Variants in BLK observed in about 807,000 individuals in gnomAD.
BLK encodes tyrosine-protein kinase Blk.
Under a neutral mutation model 61.8 loss-of-function variants are expected in BLK, and 64 were observed. The ratio of observed to expected loss-of-function variants is 1.03; its 90% confidence interval spans 0.85 to 1.27. The LOEUF (loss-of-function observed/expected upper bound fraction) is 1.27, where lower values mean the gene tolerates loss of function less well. Among genes scored for constraint, BLK ranks in the 50% most tolerant of loss-of-function variants. The pLI is 0.00. For synonymous variants in BLK, 351 were observed against 272.0 expected (o/e 1.29, Z -2.86); for missense variants, 853 against 660.5 (o/e 1.29, Z -3.19).
intron 12 of BLK, among the ~76,000 whole-genome samples, chr8:11,563,637 G>A (rs1039490439): frequency 3.3e-5 from 5 of 152,224 alleles, no homozygotes; most frequent in African/African-American, 9.6e-5. Context: ...TCAAGAGAGG[G>A]AGGGTCCCAT....
intron 1 of BLK, among the ~76,000 whole-genome samples, chr8:11,530,682 A>G (rs1046950371): frequency 6.6e-6 from 1 of 152,064 alleles, no homozygotes; most frequent in Non-Finnish European, 1.5e-5. Context: ...TAAATAGCTC[A>G]GTAGAAGTTT....
At chr8:11,510,880 C>G (rs193113152) in intron 1 of BLK, among the ~76,000 whole-genome samples, 6 of 152,246 alleles carry the variant, frequency 3.9e-5, no homozygotes, top group African/African-American at 1.2e-4. Flanking sequence ...TTAACCAAAG[C>G]TAATTGCTAA....
intron 1 of BLK, among the ~76,000 whole-genome samples, chr8:11,507,328 A>C (rs1483583154): frequency 6.6e-6 from 1 of 152,210 alleles, no homozygotes; most frequent in Non-Finnish European, 1.5e-5. Flanking sequence ...CCACCTTGGC[A>C]AACCCTGCCC....
At chr8:11,541,434 C>T (rs1176604445) in intron 1 of BLK, among the ~76,000 whole-genome samples, 5 of 151,654 alleles carry the variant, frequency 3.3e-5, no homozygotes, top group Non-Finnish European at 7.4e-5. Flanking sequence ...TCATATTGAT[C>T]GATATTGTAT....
intron 1 of BLK, among the ~76,000 whole-genome samples, chr8:11,538,988 G>A (rs1197955663): frequency 3.3e-5 from 5 of 152,056 alleles, no homozygotes; most frequent in Admixed American, 2.6e-4. Context: ...AAAGTCACAT[G>A]AAGTCTTATA....
At chr8:11,535,427 G>A (rs957558536) in intron 1 of BLK, among the ~76,000 whole-genome samples, 1 of 152,224 alleles carries the variant, frequency 6.6e-6, no homozygotes, top group Non-Finnish European at 1.5e-5. Context: ...TCCAGCAATG[G>A]AAAAGCTTTG....
At chr8:11,556,620 C>T in intron 8 of BLK, 38 bp from the exon 9 acceptor site, 3 of 1,613,818 alleles carry the variant, frequency 1.9e-6, no homozygotes, top group Non-Finnish European at 2.5e-6. Context: ...AGCAAGCTCT[C>T]TGTCTTCTGA....
rs74933787 is a variant in BLK, at chr8:11,521,635, G to T, written c.-1-21589G>T. 9.8e-3 allele frequency among the ~76,000 whole-genome samples: 1,500 copies of T among 152,318 alleles called. 23 individuals are homozygous for T. The highest frequency in any genetic ancestry group is 0.034 in the African/African-American group (1,400 of 41,558). ...AATTTGGATTCAATAGTCAAGAATG[G>T]TTGAGCAGTAAGGCCACAGTTTTAT... On this transcript the variant is annotated intron_variant, in intron 1 of 12. Transcript: ENST00000259089.
chr8:11,512,604 G>A (rs1799059756), intron 1 of BLK, among the ~76,000 whole-genome samples: 1 of 152,218 alleles, frequency 6.6e-6, no homozygotes, highest in African/African-American at 2.4e-5. Flanking sequence ...TAAAGCCATT[G>A]AGGCTCAGAG....
chr8:11,528,707 C>T (rs2618442), intron 1 of BLK, among the ~76,000 whole-genome samples: 2,588 of 152,152 alleles, frequency 0.017, 43 homozygotes, highest in African/African-American at 0.045. Context: ...ATGTGTATAA[C>T]GAAAACATTG....
intron 1 of BLK, among the ~76,000 whole-genome samples, chr8:11,522,405 G>C (rs562646292): frequency 5.8e-4 from 89 of 152,284 alleles, no homozygotes; most frequent in Middle Eastern, 3.4e-3. Flanking sequence ...CTCAGGTATT[G>C]CTGGTGGGAT....
intron 1 of BLK, among the ~76,000 whole-genome samples, chr8:11,535,034 C>T (rs570846533): frequency 6.6e-6 from 1 of 152,016 alleles, no homozygotes; most frequent in Non-Finnish European, 1.5e-5. Flanking sequence ...AAAAATTAGC[C>T]AGGCATGGCA....
At chr8:11,525,424 A>C (rs1415481090) in intron 1 of BLK, among the ~76,000 whole-genome samples, 1 of 152,164 alleles carries the variant, frequency 6.6e-6, no homozygotes, top group Non-Finnish European at 1.5e-5. Context: ...CAAATGTGTT[A>C]ATAGACTCCT....
At chr8:11,518,435 G>C (rs1269157314) in intron 1 of BLK, among the ~76,000 whole-genome samples, 1 of 152,144 alleles carries the variant, frequency 6.6e-6, no homozygotes, top group Non-Finnish European at 1.5e-5. Flanking sequence ...GGATTGGTGG[G>C]GGGCAGAAGA....
At chr8:11,530,103 A>G (rs1799826471) in intron 1 of BLK, among the ~76,000 whole-genome samples, 1 of 152,222 alleles carries the variant, frequency 6.6e-6, no homozygotes, top group Non-Finnish European at 1.5e-5. Flanking sequence ...TTGCCTAATT[A>G]TTTACATAAA....
chr8:11,540,075 G>T, intron 1 of BLK, among the ~76,000 whole-genome samples: 1 of 151,790 alleles, frequency 6.6e-6, no homozygotes, highest in East Asian at 1.9e-4. Flanking sequence ...TTCTCTCTTC[G>T]CTTCTGGGTA....
chr8:11,515,409 T>C (rs1799185493), intron 1 of BLK, among the ~76,000 whole-genome samples: 1 of 152,138 alleles, frequency 6.6e-6, no homozygotes. Context: ...GGGTCAGCCA[T>C]GTCAGTGGCT....
chr8:11,512,825 C>G (rs184090830), intron 1 of BLK, among the ~76,000 whole-genome samples: 12 of 152,248 alleles, frequency 7.9e-5, no homozygotes, highest in Admixed American at 7.8e-4. Context: ...CACCACCATG[C>G]CCAGCTAATT....
intron 1 of BLK, among the ~76,000 whole-genome samples, chr8:11,515,803 T>C (rs898822297): frequency 9.9e-5 from 15 of 152,216 alleles, no homozygotes; most frequent in African/African-American, 3.6e-4. Flanking sequence ...TTCAGAACAG[T>C]GGCTTCAAAC....
Sources: allele counts gnomAD v4.1 joint callset (sites outside exome capture counted in the v4.1 genomes callset), GRCh38; gene constraint gnomAD v4.1.1; transcripts MANE v1.5; gene names NCBI Gene and HGNC (gene_info 2026-07-23, HGNC 2026-07-21).